SLC24A2: variants seen among roughly 807,000 people sequenced by gnomAD.
SLC24A2 encodes the protein sodium/potassium/calcium exchanger 2.
In SLC24A2, 36 loss-of-function variants were observed where a neutral mutation model predicts 62.0. That is an observed-to-expected ratio of 0.58 (90% CI 0.44 to 0.77). SLC24A2 has a LOEUF of 0.77. Among genes scored for constraint, SLC24A2 ranks in the 30% least tolerant of loss-of-function variants. The pLI is 0.00. For missense variants in SLC24A2, 846 were observed against 817.9 expected, an observed-to-expected ratio of 1.03 and a Z score of -0.42; for synonymous variants, 358 against 294.0, an observed-to-expected ratio of 1.22 and a Z score of -2.23.
At chr9:19,776,954 T>C (rs999160684) in intron 2 of SLC24A2, among the ~76,000 whole-genome samples, 1 of 152,206 alleles carries the variant, frequency 6.6e-6, no homozygotes, top group Non-Finnish European at 1.5e-5. Context: ...TTAGGTTAAA[T>C]GGCCAAGGAG....
the SLC24A2 span, among the ~76,000 whole-genome samples, chr9:19,918,170 G>A: frequency 2.9e-5 from 4 of 139,814 alleles, no homozygotes; most frequent in African/African-American, 7.8e-5. Context: ...GTGTGTGTGT[G>A]TATACATACA....
At chr9:20,106,837 A>G in the SLC24A2 span, among the ~76,000 whole-genome samples, 1 of 152,084 alleles carries the variant, frequency 6.6e-6, no homozygotes, top group Non-Finnish European at 1.5e-5. Context: ...CAGTGTTGGA[A>G]GTTCTGGCCA....
chr9:20,187,688 T>C, the SLC24A2 span, among the ~76,000 whole-genome samples: 1 of 152,198 alleles, frequency 6.6e-6, no homozygotes, highest in Non-Finnish European at 1.5e-5. Flanking sequence ...CTAGGAGTCA[T>C]TCCCTCTCCT....
chr9:20,301,734 A>ATGT, the SLC24A2 span, among the ~76,000 whole-genome samples: 1 of 152,276 alleles, frequency 6.6e-6, no homozygotes, highest in East Asian at 1.9e-4. Context: ...CTGTCAGCCA[A>ATGT]TGTTGACACA....
chr9:19,880,362 C>T, the SLC24A2 span, among the ~76,000 whole-genome samples: 1 of 152,160 alleles, frequency 6.6e-6, no homozygotes, highest in Non-Finnish European at 1.5e-5. Context: ...TACATCACCA[C>T]ACATGGAGCA....
chr9:20,082,989 G>C, the SLC24A2 span, among the ~76,000 whole-genome samples: 13 of 152,234 alleles, frequency 8.5e-5, no homozygotes, highest in African/African-American at 2.9e-4. Flanking sequence ...GCCTTTTCTT[G>C]GCATGAATGC....
the SLC24A2 span, among the ~76,000 whole-genome samples, chr9:20,116,670 T>A: frequency 6.6e-6 from 1 of 152,154 alleles, no homozygotes; most frequent in Non-Finnish European, 1.5e-5. Flanking sequence ...CAGAACATAC[T>A]GCAAAGTAAA....
intron 2 of SLC24A2, among the ~76,000 whole-genome samples, chr9:19,730,580 T>C (rs1420064790): frequency 6.6e-6 from 1 of 152,112 alleles, no homozygotes; most frequent in Non-Finnish European, 1.5e-5. Flanking sequence ...CATGAAAACA[T>C]ATCTAACTTA....
the SLC24A2 span, among the ~76,000 whole-genome samples, chr9:19,874,225 G>A: frequency 6.6e-6 from 1 of 151,730 alleles, no homozygotes; most frequent in Non-Finnish European, 1.5e-5. Flanking sequence ...GATGACAGGC[G>A]TCAGCCACCA....
At chr9:20,274,093 C>T in the SLC24A2 span, among the ~76,000 whole-genome samples, 1 of 152,192 alleles carries the variant, frequency 6.6e-6, no homozygotes, top group Admixed American at 6.5e-5. Flanking sequence ...GTTCTGAGCA[C>T]TGAGGATATA....
At chr9:19,765,369 T>C (rs867647754) in intron 2 of SLC24A2, among the ~76,000 whole-genome samples, 1 of 152,172 alleles carries the variant, frequency 6.6e-6, no homozygotes, top group Non-Finnish European at 1.5e-5. Context: ...TGCCCATTAG[T>C]TGATGCAGTT....
At chr9:19,856,264 C>T in the SLC24A2 span, among the ~76,000 whole-genome samples, 3 of 152,154 alleles carry the variant, frequency 2.0e-5, no homozygotes, top group Non-Finnish European at 4.4e-5. Context: ...TTATTACCCA[C>T]CTTCTGAAGC....
chr9:20,075,852 G>A, the SLC24A2 span, among the ~76,000 whole-genome samples: 3 of 152,130 alleles, frequency 2.0e-5, no homozygotes, highest in Non-Finnish European at 2.9e-5. Context: ...GCATCCATGA[G>A]GAATTGGTTC....
At chr9:20,216,638 A>C in the SLC24A2 span, among the ~76,000 whole-genome samples, 13 of 152,166 alleles carry the variant, frequency 8.5e-5, no homozygotes, top group Non-Finnish European at 1.8e-4. Context: ...GATGATATCC[A>C]GTGTCTCATT....
the SLC24A2 span, among the ~76,000 whole-genome samples, chr9:20,031,173 CATACAT>C: frequency 6.6e-6 from 1 of 151,280 alleles, no homozygotes; most frequent in Non-Finnish European, 1.5e-5. Context: ...TTCACATACA[CATACAT>C]ATATGTGTAG....
At chr9:20,119,355 T>C in the SLC24A2 span, among the ~76,000 whole-genome samples, 1 of 152,090 alleles carries the variant, frequency 6.6e-6, no homozygotes, top group East Asian at 1.9e-4. Flanking sequence ...GTTATGCCGA[T>C]TATAAAATTT....
the SLC24A2 span, among the ~76,000 whole-genome samples, chr9:20,072,467 T>C: frequency 6.6e-6 from 1 of 152,164 alleles, no homozygotes; most frequent in Non-Finnish European, 1.5e-5. Context: ...ATGGGAGTTC[T>C]TATCTAGGAA....
At chr9:19,644,339 T>A (rs528770916) in intron 2 of SLC24A2, among the ~76,000 whole-genome samples, 16 of 152,324 alleles carry the variant, frequency 1.1e-4, no homozygotes, top group African/African-American at 3.8e-4. Flanking sequence ...TAAGTAGATA[T>A]GTTTGTAATT....
chr9:19,909,130 T>C, the SLC24A2 span, among the ~76,000 whole-genome samples: 45 of 152,212 alleles, frequency 3.0e-4, no homozygotes, highest in Non-Finnish European at 5.6e-4. Context: ...GGCACATATA[T>C]ACCATGGAAT....
Sources: gnomAD v4.1 joint callset for allele counts (sites outside exome capture counted in the v4.1 genomes callset) on GRCh38, gnomAD v4.1.1 for gene constraint, MANE v1.5 for transcripts, NCBI Gene and HGNC (gene_info 2026-07-23, HGNC 2026-07-21) for gene names.